The following FRMD4B variants were observed in gnomAD, a reference collection of about 807,000 sequenced individuals.
FRMD4B encodes the protein FERM domain containing 4B.
A neutral mutation model predicts 141.5 loss-of-function variants in FRMD4B; 74 were observed. The ratio of observed to expected loss-of-function variants is 0.52; its 90% confidence interval spans 0.43 to 0.63. FRMD4B has a LOEUF of 0.63. FRMD4B is among the 30% of genes least tolerant of loss of function. The probability of loss-of-function intolerance (pLI) is 0.00; values close to 1 mark genes in which losing one functional copy is unlikely to be tolerated. For synonymous variants in FRMD4B, 506 were observed against 467.9 expected, an observed-to-expected ratio of 1.08 and a Z score of -1.05; for missense variants, 1,366 against 1,253.4, an observed-to-expected ratio of 1.09 and a Z score of -1.36.
intron 2 of FRMD4B, among the ~76,000 whole-genome samples, chr3:69,418,021 C>A (rs1273862721): frequency 6.6e-6 from 1 of 152,050 alleles, no homozygotes; most frequent in Non-Finnish European, 1.5e-5. Context: ...ATGAAGGGCC[C>A]ATACAGATAA....
chr3:69,370,823 C>A (rs2107489770), intron 1 of FRMD4B, among the ~76,000 whole-genome samples: 1 of 152,346 alleles, frequency 6.6e-6, no homozygotes, highest in East Asian at 1.9e-4. Flanking sequence ...CCTGACCGCT[C>A]TTATGCCTTT....
intron 19 of FRMD4B, among the ~76,000 whole-genome samples, 188 bp from the exon 20 acceptor site, chr3:69,182,905 G>A (rs2092723913): frequency 6.6e-6 from 1 of 152,044 alleles, no homozygotes; most frequent in Admixed American, 6.5e-5. Context: ...GAGCACATAT[G>A]GTCTGACTTT....
At chr3:69,193,114 C>T (rs941211610) in intron 17 of FRMD4B, among the ~76,000 whole-genome samples, 4 of 152,138 alleles carry the variant, frequency 2.6e-5, no homozygotes, top group South Asian at 2.1e-4. Flanking sequence ...GGGCGCCATG[C>T]TCGTGCTGCC....
chr3:69,221,508 C>G (rs2093194425), intron 9 of FRMD4B, among the ~76,000 whole-genome samples: 1 of 152,146 alleles, frequency 6.6e-6, no homozygotes, highest in African/African-American at 2.4e-5. Flanking sequence ...GAATTTCCAG[C>G]TTCTCCTGGA....
At chr3:69,448,110 A>C (rs1223117736) in intron 1 of FRMD4B, among the ~76,000 whole-genome samples, 1 of 151,590 alleles carries the variant, frequency 6.6e-6, no homozygotes, top group Non-Finnish European at 1.5e-5. Flanking sequence ...GATCACTGCA[A>C]CCTCTGTTTC....
Position 69,455,297 on chromosome 3 carries a change from G to A in FRMD4B, c.-128-22536C>T, listed in dbSNP as rs182198931. On this transcript the variant is annotated intron_variant, in intron 1 of 5. Transcript: ENST00000459638. ...ATAGGTTCAGGTCTGTTTACATAAT[G>A]TGGGAGGTTTGTTCTTTCACTCTTT... 1.8e-4 allele frequency among the ~76,000 whole-genome samples: 28 copies of A among 152,324 alleles called. No individual in the cohort carries two copies. In the East Asian group the frequency reaches 3.3e-3, roughly 18 times the overall value.
At chr3:69,353,566 C>T (rs1293257934) in intron 1 of FRMD4B, 1 of 985,240 alleles carries the variant, frequency 1.0e-6, no homozygotes. Context: ...ATGACCTCGG[C>T]TCATTTAAAG....
intron 1 of FRMD4B, among the ~76,000 whole-genome samples, chr3:69,477,207 G>A (rs1213924301): frequency 1.7e-3 from 246 of 143,586 alleles, no homozygotes; most frequent in African/African-American, 4.0e-3. Flanking sequence ...TCCTTCTCCT[G>A]CCTGATTTCT....
At chr3:69,496,634 AGAAAGAGAGAG>A (rs1559545671) in intron 1 of FRMD4B, among the ~76,000 whole-genome samples, 1 of 110,150 alleles carries the variant, frequency 9.1e-6, no homozygotes, top group African/African-American at 3.7e-5. Context: ...AGAGAGAGAG[AGAAAGAGAGAG>A]AGAGAGAGAG....
intron 2 of FRMD4B, among the ~76,000 whole-genome samples, chr3:69,429,778 C>T (rs1204026067): frequency 7.3e-5 from 8 of 110,020 alleles, no homozygotes; most frequent in Admixed American, 7.2e-4. Context: ...TTTTTTGAGG[C>T]GGAGTCTCAC....
chr3:69,221,454 A>G (rs1408701770), intron 9 of FRMD4B, among the ~76,000 whole-genome samples: 1 of 152,126 alleles, frequency 6.6e-6, no homozygotes, highest in Non-Finnish European at 1.5e-5. Flanking sequence ...ATTGCATTAA[A>G]TTTTCTTTAA....
chr3:69,478,208 G>C (rs1289191201), intron 1 of FRMD4B, among the ~76,000 whole-genome samples: 2 of 152,008 alleles, frequency 1.3e-5, no homozygotes, highest in South Asian at 2.1e-4. Flanking sequence ...ATTTCCTTCA[G>C]TTCTGCTCTG....
At chr3:69,193,126 A>G (rs2092858646) in intron 17 of FRMD4B, among the ~76,000 whole-genome samples, 1 of 151,964 alleles carries the variant, frequency 6.6e-6, no homozygotes, top group African/African-American at 2.4e-5. Flanking sequence ...CGTGCTGCCC[A>G]TATCTTTAAA....
chr3:69,437,222 G>A (rs916630809), intron 1 of FRMD4B, among the ~76,000 whole-genome samples: 12 of 151,838 alleles, frequency 7.9e-5, no homozygotes, highest in African/African-American at 1.7e-4. Context: ...ACAGGCACGC[G>A]CCACCATGCC....
chr3:69,227,415 C>T lies in FRMD4B; in HGVS notation c.582-2725G>A, dbSNP rs192186853. Among the ~76,000 whole-genome samples the T allele has an allele frequency of 1.2e-3, 176 of 152,172 alleles. 3 individuals carry two copies. The highest frequency in any genetic ancestry group is 0.01 in the Admixed American group (153 of 15,294). ...GCAGTGGCTTAGCCTATAATCCCAG[C>T]GCTTTGGGAGGCCAAGGCAGGGGGA... On this transcript the variant is annotated intron_variant, in intron 7 of 22. Coordinates refer to ENST00000398540, the MANE Select transcript of FRMD4B (RefSeq NM_015123.3).
In FRMD4B at chr3:69,313,360, T is replaced by C. The variant is rs1372842482; in HGVS notation, c.228+92A>G. On this transcript the variant is annotated intron_variant, in intron 2 of 22. Coordinates refer to ENST00000398540, the MANE Select transcript of FRMD4B (RefSeq NM_015123.3). ...GAAGCCTGAATACAGACTATGAGGC[T>C]CAGAGAGGGAACCAGGATGAGCTGT... 2.1e-5 allele frequency: 17 copies of C among 792,336 alleles called. No individual in the cohort carries two copies. The East Asian group carries it at 4.3e-4, about 20-fold the overall frequency. 49.1% of individuals were successfully genotyped at this position (792,336 alleles called of 1,614,324 possible).
intron 1 of FRMD4B, among the ~76,000 whole-genome samples, chr3:69,511,198 T>C (rs1706680860): frequency 6.6e-6 from 1 of 152,114 alleles, no homozygotes; most frequent in Non-Finnish European, 1.5e-5. Flanking sequence ...TGTATAAGCA[T>C]CACTGCAGAA....
At chr3:69,325,960 G>C (rs1349006716) in intron 1 of FRMD4B, among the ~76,000 whole-genome samples, 1 of 148,860 alleles carries the variant, frequency 6.7e-6, no homozygotes, top group Non-Finnish European at 1.5e-5. Context: ...AGTTTTCCTA[G>C]ATTATTATTA....
chr3:69,332,130 G>C (rs188246517), intron 1 of FRMD4B, among the ~76,000 whole-genome samples: 8 of 152,248 alleles, frequency 5.3e-5, no homozygotes, highest in African/African-American at 1.9e-4. Flanking sequence ...AATTGATACA[G>C]ACTCCTTCAG....
Sources: gnomAD v4.1 joint callset for allele counts (sites outside exome capture counted in the v4.1 genomes callset) on GRCh38, gnomAD v4.1.1 for gene constraint, MANE v1.5 for transcripts, NCBI Gene and HGNC (gene_info 2026-07-23, HGNC 2026-07-21) for gene names.